MAP4K5: variants seen among roughly 807,000 people sequenced by gnomAD.
MAP4K5 encodes the protein MAPK/ERK kinase kinase kinase 5.
In MAP4K5, 82 loss-of-function variants were observed where a neutral mutation model predicts 135.6. The ratio of observed to expected loss-of-function variants is 0.60; its 90% CI spans 0.51 to 0.73. The LOEUF (loss-of-function observed/expected upper bound fraction) is 0.73, where lower values mean the gene tolerates loss of function less well. Ranked by LOEUF, MAP4K5 falls within the 30% of genes least tolerant of loss-of-function variation. The pLI is 0.00. For synonymous variants in MAP4K5, 347 were observed against 335.0 expected (o/e 1.04, Z -0.39); for missense variants, 907 against 1,010.9 (o/e 0.90, Z 1.39).
At position 50,491,409 on chromosome 14, in the gene MAP4K5, A is replaced by G. The variant is rs532170320; in HGVS notation, c.167-5215T>C. On this transcript the variant is annotated intron_variant, in intron 3 of 32. Coordinates refer to ENST00000682126, the MANE Select transcript of MAP4K5 (RefSeq NM_006575.6). The stretch of plus-strand genomic sequence containing the variant: ...GTGATCTCAGCTCACTGCAACCTCT[A>G]CCTCCTGGGTTCAAGTGATTCTCCT... Among the ~76,000 whole-genome samples, 9 of 147,490 alleles carry G rather than the reference A, an allele frequency of 6.1e-5. No individual in the cohort carries two copies. In the South Asian group the frequency reaches 1.7e-3, roughly 28 times the overall value.
intron 11 of MAP4K5, among the ~76,000 whole-genome samples, chr14:50,465,793 C>T (rs2139825368): frequency 1.3e-5 from 2 of 152,220 alleles, no homozygotes; most frequent in Middle Eastern, 6.8e-3. Flanking sequence ...ATAAAGAACA[C>T]TGGGCCGGGT....
chr14:50,560,167 A>G (rs1455243840), intron 1 of MAP4K5: 1 of 1,446,764 alleles, frequency 6.9e-7, no homozygotes, highest in Non-Finnish European at 9.6e-7. Context: ...AACTGCGCCC[A>G]GCGCGGGCAC....
intron 14 of MAP4K5, among the ~76,000 whole-genome samples, chr14:50,455,522 GAC>G (rs1425711459): frequency 2.6e-5 from 4 of 151,970 alleles, no homozygotes; most frequent in Non-Finnish European, 5.9e-5. Flanking sequence ...CACTAACAAA[GAC>G]ACTAAATCTT....
At chr14:50,540,396 A>G (rs1283079137) in intron 2 of MAP4K5, among the ~76,000 whole-genome samples, 1 of 152,220 alleles carries the variant, frequency 6.6e-6, no homozygotes, top group African/African-American at 2.4e-5. Context: ...AATCTTAGAC[A>G]TAAACCAATT....
chr14:50,533,250 A>G (rs2038444556), upstream of MAP4K5: 1 of 152,154 alleles, frequency 6.6e-6, no homozygotes, highest in African/African-American at 2.4e-5. Context: ...GAGTTCCGCA[A>G]AAGTAAAACA....
intron 2 of MAP4K5, among the ~76,000 whole-genome samples, chr14:50,530,304 C>T (rs1292600593): frequency 2.0e-5 from 3 of 152,138 alleles, no homozygotes; most frequent in African/African-American, 7.2e-5. Flanking sequence ...TTTGCTTTTT[C>T]TCAGGCATGA....
intron 3 of MAP4K5, among the ~76,000 whole-genome samples, chr14:50,503,516 C>T (rs1265569643): frequency 6.6e-6 from 1 of 151,908 alleles, no homozygotes; most frequent in African/African-American, 2.4e-5. Flanking sequence ...GAATTGCCTT[C>T]TTATGTTAGT....
At chr14:50,476,426 A>G (rs1267554220) in intron 6 of MAP4K5, 120 bp from the exon 7 acceptor site, 1 of 503,284 alleles carries the variant, frequency 2.0e-6, no homozygotes, top group Non-Finnish European at 3.4e-6. Context: ...TGGGGAGAAA[A>G]AAACCTAGAT....
At chr14:50,479,186 C>CTTTTTTTTTTTT (rs34038301) in intron 6 of MAP4K5, among the ~76,000 whole-genome samples, 1 of 142,530 alleles carries the variant, frequency 7.0e-6, no homozygotes. Context: ...CATTCTCTCT[C>CTTTTTTTTTTTT]TTTTTTTTTT....
intron 1 of MAP4K5, chr14:50,560,421 G>C: frequency 1.5e-6 from 2 of 1,310,028 alleles, no homozygotes; most frequent in Non-Finnish European, 2.1e-6. Flanking sequence ...CTGGGAGACG[G>C]GCCGTAGCCG....
chr14:50,525,835 C>A (rs2038252416), intron 2 of MAP4K5, among the ~76,000 whole-genome samples: 1 of 152,082 alleles, frequency 6.6e-6, no homozygotes, highest in African/African-American at 2.4e-5. Flanking sequence ...AAAAGTAAGA[C>A]CCTGTCTCAA....
chr14:50,498,126 T>C (rs2037632821), intron 3 of MAP4K5, among the ~76,000 whole-genome samples: 1 of 152,054 alleles, frequency 6.6e-6, no homozygotes, highest in Admixed American at 6.6e-5. Flanking sequence ...TAAAATGAGT[T>C]AGATGGTAGG....
intron 6 of MAP4K5, among the ~76,000 whole-genome samples, chr14:50,481,016 A>G: frequency 6.6e-6 from 1 of 151,962 alleles, no homozygotes; most frequent in East Asian, 1.9e-4. Context: ...AGAACTATAT[A>G]AAAGATTACG....
rs1391782548 is a variant in MAP4K5 at position 50,447,044 on chromosome 14, T to C, written c.1142+370A>G. Reference sequence around the variant, plus strand: ...CATTTCTAAAGAGCTCTGTAGGCAATTGCAGTACACAGACAGGTTAGGAAC... The same window carrying C: ...CATTTCTAAAGAGCTCTGTAGGCAACTGCAGTACACAGACAGGTTAGGAAC... On this transcript the variant is annotated intron_variant, in intron 16 of 32. Coordinates refer to ENST00000682126, the MANE Select transcript of MAP4K5 (RefSeq NM_006575.6). Among the ~76,000 whole-genome samples the C allele has an allele frequency of 3.9e-5, 6 of 152,132 alleles. No homozygotes were observed. In the East Asian group the frequency reaches 5.8e-4, roughly 15 times the overall value.
rs141864740 is a variant in MAP4K5 at position 50,434,998 on chromosome 14, C to T, written c.1950G>A (p.Gln650=). Residue 650 remains glutamine, a synonymous_variant, in exon 27 of 33, where the codon CAG becomes CAA. Transcript: ENST00000682126. ...GALQSGIVLL[Q]WYEPMQKFML... ...TGAATTTCTGCATTGGCTCATACCA[C>T]TGAAGTAAAACAATTCCAGACTGTA... 1.7e-4 allele frequency: 276 copies of T among 1,611,072 alleles called. 1 individual carries two copies. In the African/African-American group the frequency reaches 3.2e-3, roughly 19 times the overall value.
At chr14:50,495,752 T>G (rs933182101) in intron 3 of MAP4K5, among the ~76,000 whole-genome samples, 1 of 152,330 alleles carries the variant, frequency 6.6e-6, no homozygotes, top group African/African-American at 2.4e-5. Context: ...TCCTGTCATA[T>G]GCTATAACAT....
chr14:50,548,408 G>A (rs1428761236), intron 1 of MAP4K5, among the ~76,000 whole-genome samples: 1 of 152,186 alleles, frequency 6.6e-6, no homozygotes, highest in Non-Finnish European at 1.5e-5. Context: ...CACTGCCACA[G>A]GATCCTTTTG....
At chr14:50,470,610 CCACT>C (rs1358949882) in intron 9 of MAP4K5, among the ~76,000 whole-genome samples, 4 of 151,204 alleles carry the variant, frequency 2.6e-5, no homozygotes, top group South Asian at 2.1e-4. Context: ...AAGCATGATC[CCACT>C]CAAAGAGAGT....
intron 3 of MAP4K5, among the ~76,000 whole-genome samples, chr14:50,490,349 T>C (rs1412537950): frequency 2.6e-5 from 4 of 152,204 alleles, no homozygotes; most frequent in African/African-American, 9.6e-5. Context: ...GAGGTAGCTA[T>C]AAAAATTAAC....
Sources: gnomAD v4.1 joint callset for allele counts (sites outside exome capture counted in the v4.1 genomes callset) on GRCh38, gnomAD v4.1.1 for gene constraint, MANE v1.5 for transcripts, NCBI Gene and HGNC (gene_info 2026-07-23, HGNC 2026-07-21) for gene names.